SH3PXD2A: variants seen among roughly 807,000 people sequenced by gnomAD.
SH3PXD2A encodes SH3 and PX domains 2A.
Under a neutral mutation model 115.2 loss-of-function variants are expected in SH3PXD2A, and 32 were observed. The ratio of observed to expected loss-of-function variants is 0.28; its 90% confidence interval spans 0.21 to 0.37. The LOEUF (loss-of-function observed/expected upper bound fraction) is 0.37. Ranked by LOEUF, SH3PXD2A falls within the 10% of genes least tolerant of loss-of-function variation. The pLI, the probability that SH3PXD2A is intolerant of heterozygous loss-of-function variation, is 1.00. For missense variants in SH3PXD2A, 1,328 were observed against 1,498.7 expected, an observed-to-expected ratio of 0.89 and a Z score of 1.88; for synonymous variants, 610 against 629.1, an observed-to-expected ratio of 0.97 and a Z score of 0.45.
intron 4 of SH3PXD2A, among the ~76,000 whole-genome samples, chr10:103,729,333 G>A (rs186442882): frequency 1.1e-4 from 16 of 152,322 alleles, no homozygotes; most frequent in African/African-American, 3.8e-4. Context: ...ACGCCCTGTG[G>A]AACACAGCTG....
intron 2 of SH3PXD2A, among the ~76,000 whole-genome samples, chr10:103,786,986 A>T (rs979835181): frequency 1.3e-5 from 2 of 152,220 alleles, no homozygotes; most frequent in African/African-American, 2.4e-5. Flanking sequence ...GGTCACCTGC[A>T]GGCATCACCA....
chr10:103,739,244 C>T (rs1428625759), intron 3 of SH3PXD2A, among the ~76,000 whole-genome samples: 3 of 152,220 alleles, frequency 2.0e-5, no homozygotes, highest in African/African-American at 7.2e-5. Flanking sequence ...TGAGTGAGGC[C>T]ACCGGGCCAC....
At chr10:103,724,659 C>T (rs1203640041) in intron 4 of SH3PXD2A, among the ~76,000 whole-genome samples, 1 of 151,910 alleles carries the variant, frequency 6.6e-6, no homozygotes, top group Non-Finnish European at 1.5e-5. Context: ...ATCAACAAAC[C>T]AACAAGACAA....
intron 3 of SH3PXD2A, among the ~76,000 whole-genome samples, chr10:103,743,664 C>T (rs987999295): frequency 3.3e-5 from 5 of 152,122 alleles, no homozygotes; most frequent in Non-Finnish European, 7.4e-5. Context: ...AGCCACTGCA[C>T]CTGGCCCAGG....
chr10:103,758,392 C>A (rs1342593203), intron 3 of SH3PXD2A, among the ~76,000 whole-genome samples: 1 of 152,182 alleles, frequency 6.6e-6, no homozygotes, highest in African/African-American at 2.4e-5. Context: ...ATTTCAGATG[C>A]CTTGAGCTGT....
chr10:103,686,384 G>C (rs1203651202), intron 6 of SH3PXD2A, among the ~76,000 whole-genome samples: 2 of 152,194 alleles, frequency 1.3e-5, no homozygotes, highest in Non-Finnish European at 2.9e-5. Context: ...TCCCGGCTAG[G>C]TGCCCTGGCG....
chr10:103,773,377 C>T (rs1442204838), intron 2 of SH3PXD2A, among the ~76,000 whole-genome samples: 3 of 151,878 alleles, frequency 2.0e-5, no homozygotes, highest in South Asian at 4.1e-4. Flanking sequence ...GACACATCAG[C>T]GAGCATCACA....
intron 1 of SH3PXD2A, among the ~76,000 whole-genome samples, chr10:103,833,145 T>C (rs1427127467): frequency 6.6e-6 from 1 of 152,206 alleles, no homozygotes; most frequent in South Asian, 2.1e-4. Flanking sequence ...ATATTCTAAA[T>C]ATCTGGTGGT....
chr10:103,820,738 G>T (rs918631668), intron 1 of SH3PXD2A, among the ~76,000 whole-genome samples: 4 of 152,166 alleles, frequency 2.6e-5, no homozygotes, highest in Non-Finnish European at 5.9e-5. Context: ...AGGGGCGGGG[G>T]GGTTGGGCGC....
At chr10:103,846,149 G>A (rs1160751932) in intron 1 of SH3PXD2A, among the ~76,000 whole-genome samples, 3 of 152,230 alleles carry the variant, frequency 2.0e-5, no homozygotes, top group Admixed American at 1.3e-4. Flanking sequence ...ATGGGCCTCC[G>A]CCCAGGCTTG....
chr10:103,619,025 A>G (rs1012252112), intron 10 of SH3PXD2A, among the ~76,000 whole-genome samples: 1 of 151,318 alleles, frequency 6.6e-6, no homozygotes, highest in African/African-American at 2.4e-5. Flanking sequence ...GCCAAATTCA[A>G]ACGGCTGCCC....
In SH3PXD2A at chr10:103,815,366, T is replaced by C. The variant is rs960907397; in HGVS notation, c.73-14004A>G. ...TATAAAGAACTCTTAGAAATTGTGGTATATATATGTATAATATATACAGTG... is the reference window on the plus strand; with the variant it reads ...TATAAAGAACTCTTAGAAATTGTGGCATATATATGTATAATATATACAGTG... On this transcript the variant is annotated intron_variant, in intron 1 of 14. Transcript: ENST00000369774. 4.7e-5 allele frequency among the ~76,000 whole-genome samples: 7 copies of C among 150,372 alleles called. No individual in the cohort carries two copies. In the East Asian group the frequency reaches 1.4e-3, roughly 29 times the overall value.
chr10:103,622,492 C>T lies in SH3PXD2A; in HGVS notation c.780G>A (p.Met260Ile), dbSNP rs971974123. ...RLDRRWTLGG[M>I]VNRQHSREEK... ...CACCTCGGCTGTGCTGCCTGTTGAC[C>T]ATCCCGCCCAGGGTCCACCGGCGAT... The change falls in exon 10 of 15, where the codon ATG becomes ATA. Residue 260 changes from methionine (M) to isoleucine (I), a missense_variant. By Grantham distance (10) the Met-to-Ile change is conservative (BLOSUM62 1). Transcript: ENST00000369774. 21 of 1,550,188 alleles carry T rather than the reference C, an allele frequency of 1.4e-5. No individual in the cohort carries two copies. The highest frequency in any genetic ancestry group is 1.8e-5 in the Non-Finnish European group (21 of 1,146,806).
In SH3PXD2A at chr10:103,619,248, C is replaced by A. The variant is rs76238407; in HGVS notation, c.803-1934G>T. On this transcript the variant is annotated intron_variant, in intron 10 of 14. Transcript: ENST00000369774. ...TCGGCCCTTTGAGAAGTTCAGGGCTCCACAGTCCAACTCTCTCTGCTCTCC... is the reference window on the plus strand; with the variant it reads ...TCGGCCCTTTGAGAAGTTCAGGGCTACACAGTCCAACTCTCTCTGCTCTCC... Among the ~76,000 whole-genome samples, 1,433 of 152,266 alleles carry A rather than the reference C, an allele frequency of 9.4e-3. 25 individuals are homozygous for A. The highest frequency in any genetic ancestry group is 0.033 in the African/African-American group (1,371 of 41,528).
At chr10:103,816,161 C>T (rs2039321879) in intron 1 of SH3PXD2A, among the ~76,000 whole-genome samples, 1 of 152,178 alleles carries the variant, frequency 6.6e-6, no homozygotes, top group African/African-American at 2.4e-5. Context: ...ACACCACACA[C>T]ACACAAAATA....
intron 8 of SH3PXD2A, among the ~76,000 whole-genome samples, chr10:103,631,316 G>A (rs558858987): frequency 6.6e-6 from 1 of 152,096 alleles, no homozygotes; most frequent in East Asian, 1.9e-4. Context: ...TACAAGTTAG[G>A]CACAGGAGAT....
rs747117615 is a variant in SH3PXD2A at position 103,701,178 on chromosome 10, A to AT, written c.399-8123_399-8122insA. The stretch of plus-strand genomic sequence containing the variant: ...CATCCATCCATCCATCCATCCATCC[A>AT]CCATCCATCCATCCATCCATCATCC... On this transcript the variant is annotated intron_variant, in intron 5 of 14. Coordinates refer to ENST00000369774, the MANE Select transcript of SH3PXD2A (RefSeq NM_001394015.1). 8.5e-3 allele frequency among the ~76,000 whole-genome samples: 743 copies of AT among 87,894 alleles called. 35 individuals are homozygous for AT. The highest frequency in any genetic ancestry group is 0.024 in the African/African-American group (516 of 21,618). 57.7% of individuals were successfully genotyped at this position (87,894 alleles called of 152,430 possible).
intron 2 of SH3PXD2A, among the ~76,000 whole-genome samples, chr10:103,771,656 A>G (rs771901246): frequency 2.6e-5 from 4 of 151,162 alleles, no homozygotes; most frequent in Admixed American, 6.6e-5. Flanking sequence ...AATCGCTTGA[A>G]CCTCGGAGGC....
intron 1 of SH3PXD2A, among the ~76,000 whole-genome samples, chr10:103,827,684 G>A (rs2039444399): frequency 6.6e-6 from 1 of 152,158 alleles, no homozygotes; most frequent in African/African-American, 2.4e-5. Flanking sequence ...CAGTTCTGCT[G>A]GGCCTGGTGG....
Sources: gnomAD v4.1 joint callset for allele counts (sites outside exome capture counted in the v4.1 genomes callset) on GRCh38, gnomAD v4.1.1 for gene constraint, MANE v1.5 for transcripts, NCBI Gene and HGNC (gene_info 2026-07-23, HGNC 2026-07-21) for gene names.